MBTD1: variants seen among roughly 807,000 people sequenced by gnomAD.
MBTD1 encodes the protein MBT domain-containing protein 1.
In MBTD1, 24 loss-of-function variants were observed where a neutral mutation model predicts 87.8. The ratio of observed to expected loss-of-function variants is 0.27; its 90% CI spans 0.20 to 0.38. The LOEUF (loss-of-function observed/expected upper bound fraction) is 0.38. Among genes scored for constraint, MBTD1 ranks in the 10% least tolerant of loss-of-function variants. The pLI is 1.00. For synonymous variants in MBTD1, 237 were observed against 248.6 expected, an observed-to-expected ratio of 0.95 and a Z score of 0.44; for missense variants, 436 against 760.2, an observed-to-expected ratio of 0.57 and a Z score of 5.02.
intron 13 of MBTD1, among the ~76,000 whole-genome samples, chr17:51,194,179 T>C (rs1598297446): frequency 6.6e-6 from 1 of 152,230 alleles, no homozygotes; most frequent in African/African-American, 2.4e-5. Flanking sequence ...ACCTCTGTTA[T>C]AGCTTTCCTC....
At chr17:51,219,091 AC>A in intron 4 of MBTD1, 47 bp from the exon 5 acceptor site, 1 of 954,362 alleles carries the variant, frequency 1.0e-6, no homozygotes, top group Non-Finnish European at 1.7e-6. Flanking sequence ...TCATCCCCTC[AC>A]CACCACAATT....
chr17:51,259,867 G>A lies in MBTD1; in HGVS notation c.-145C>T, dbSNP rs1013717053. Reference sequence around the variant, plus strand: ...TTTGTGTTTTCCATCAGGGCCTCATGGGTAGGGGTTGTCCGTGCTCCCCGA... The same window carrying A: ...TTTGTGTTTTCCATCAGGGCCTCATAGGTAGGGGTTGTCCGTGCTCCCCGA... On this transcript the variant is annotated 5_prime_UTR_variant, in exon 1 of 17. Coordinates refer to ENST00000586178, the MANE Select transcript of MBTD1 (RefSeq NM_017643.3). 1.6e-6 allele frequency: 2 copies of A among 1,231,820 alleles called. No individual in the cohort carries two copies. Among genetic ancestry groups the A allele is most frequent in the Non-Finnish European group, 2.0e-6 (2 of 987,900 alleles). The allele number at this position is 1,231,820 out of a possible 1,614,324, so 76.3% of individuals were successfully genotyped here. A position where few individuals can be genotyped will look rare whatever the true frequency, so the allele number is the denominator to read the frequency against.
intron 12 of MBTD1, among the ~76,000 whole-genome samples, chr17:51,196,486 C>T (rs1469224857): frequency 6.6e-6 from 1 of 151,660 alleles, no homozygotes; most frequent in Non-Finnish European, 1.5e-5. Flanking sequence ...GGCCAGGCTG[C>T]CCCCCCTTTT....
chr17:51,202,170 T>C (rs1166285783), intron 10 of MBTD1, 93 bp from the exon 11 acceptor site: 1 of 752,420 alleles, frequency 1.3e-6, no homozygotes, highest in Non-Finnish European at 2.4e-6. Context: ...AAGTATGTCA[T>C]ACTATAAAAC....
chr17:51,243,806 T>C (rs2054285116), intron 2 of MBTD1, among the ~76,000 whole-genome samples: 1 of 152,160 alleles, frequency 6.6e-6, no homozygotes, highest in Admixed American at 6.5e-5. Context: ...GGATTACAGG[T>C]GTACACTGAC....
rs1361779687 is a variant in MBTD1 at position 51,245,300 on chromosome 17, T to C, written c.-49+13843A>G. 1.3e-5 allele frequency among the ~76,000 whole-genome samples: 2 copies of C among 152,224 alleles called. 1 individual carries two copies. Among genetic ancestry groups the C allele is most frequent in the African/African-American group, 4.8e-5 (2 of 41,476 alleles). Reference sequence around the variant, plus strand: ...TTAATTTTCTTCAAAGTTCTTGGCATTGAGAAATTTACATTTACCCTTTAT... The same window carrying C: ...TTAATTTTCTTCAAAGTTCTTGGCACTGAGAAATTTACATTTACCCTTTAT... On this transcript the variant is annotated intron_variant, in intron 2 of 16. Transcript: ENST00000586178.
At chr17:51,233,428 G>A (rs2053653741) in intron 2 of MBTD1, among the ~76,000 whole-genome samples, 1 of 152,090 alleles carries the variant, frequency 6.6e-6, no homozygotes, top group South Asian at 2.1e-4. Flanking sequence ...TGTAAGAATA[G>A]GATACTATCA....
chr17:51,257,233 T>C (rs1263747440), intron 2 of MBTD1, among the ~76,000 whole-genome samples: 1 of 152,218 alleles, frequency 6.6e-6, no homozygotes, highest in African/African-American at 2.4e-5. Flanking sequence ...TTCTTGAATT[T>C]TGAAACCCTC....
chr17:51,192,073 C>A, intron 16 of MBTD1, 130 bp downstream of exon 16: 1 of 707,954 alleles, frequency 1.4e-6, no homozygotes, highest in Non-Finnish European at 2.4e-6. Context: ...TGGCATACTG[C>A]ACCTTTAAGC....
At chr17:51,236,548 GT>G (rs1379364327) in intron 2 of MBTD1, among the ~76,000 whole-genome samples, 2 of 152,066 alleles carry the variant, frequency 1.3e-5, no homozygotes, top group Non-Finnish European at 2.9e-5. Context: ...TCTGGCCTAT[GT>G]TTTTTATGCC....
intron 12 of MBTD1, among the ~76,000 whole-genome samples, chr17:51,197,047 T>G (rs1246002184): frequency 0.062 from 24 of 386 alleles, no homozygotes; most frequent in Middle Eastern, 0.5. Flanking sequence ...ACAAGATATA[T>G]ATATATATAT....
At chr17:51,192,621 G>T in intron 15 of MBTD1, 161 bp downstream of exon 15, 1 of 1,294,056 alleles carries the variant, frequency 7.7e-7, no homozygotes, top group Non-Finnish European at 1.1e-6. Context: ...CACATGGTCT[G>T]ATTCTGTGAT....
intron 1 of MBTD1, 104 bp downstream of exon 1, chr17:51,259,731 A>T: frequency 9.2e-7 from 1 of 1,086,222 alleles, no homozygotes; most frequent in East Asian, 3.2e-5. Context: ...ATGGAGAAGC[A>T]GGCCAGGGAG....
chr17:51,259,270 G>A (rs774240935), intron 1 of MBTD1, 64 bp from the exon 2 acceptor site: 8 of 1,231,534 alleles, frequency 6.5e-6, no homozygotes, highest in African/African-American at 4.7e-5. Flanking sequence ...CCACCGACTT[G>A]AAACCCTTTT....
intron 2 of MBTD1, among the ~76,000 whole-genome samples, chr17:51,233,934 A>G (rs545958282): frequency 1.3e-3 from 203 of 152,312 alleles, no homozygotes; most frequent in African/African-American, 4.7e-3. Flanking sequence ...CAGAAAATCT[A>G]TACTCAAAGC....
At chr17:51,197,245 G>A (rs1043274436) in intron 12 of MBTD1, among the ~76,000 whole-genome samples, 1 of 150,266 alleles carries the variant, frequency 6.7e-6, no homozygotes, top group Non-Finnish European at 1.5e-5. Flanking sequence ...GGGATTACAG[G>A]TGCTCACCAC....
At chr17:51,191,217 C>T (rs1345835348) in intron 16 of MBTD1, among the ~76,000 whole-genome samples, 1 of 151,418 alleles carries the variant, frequency 6.6e-6, no homozygotes, top group Non-Finnish European at 1.5e-5. Context: ...TTGGCTTATG[C>T]CAACAATTCA....
rs1266029817 is a variant in MBTD1, at chr17:51,178,237, G to C, written c.*2339C>G. 1.3e-5 allele frequency: 2 copies of C among 152,128 alleles called. No homozygotes were observed. The highest frequency in any genetic ancestry group is 2.1e-4 in the South Asian group (1 of 4,828). 9.4% of individuals were successfully genotyped at this position (152,128 alleles called of 1,614,324 possible). ...TGCATTAATTATTTTTCGGTTCGTC[G>C]GCAGTAGGAGTTAGTGTGTGAACAA... On this transcript the variant is annotated 3_prime_UTR_variant, in exon 17 of 17. Transcript: ENST00000586178.
At chr17:51,190,644 C>A (rs1346074472) in intron 16 of MBTD1, among the ~76,000 whole-genome samples, 1 of 141,936 alleles carries the variant, frequency 7.0e-6, no homozygotes, top group East Asian at 2.1e-4. Context: ...ATTGCTTGTA[C>A]CCGAGAAGTC....
Sources: allele counts gnomAD v4.1 joint callset (sites outside exome capture counted in the v4.1 genomes callset), GRCh38; gene constraint gnomAD v4.1.1; transcripts MANE v1.5; gene names NCBI Gene and HGNC (gene_info 2026-07-23, HGNC 2026-07-21).